USP39: variants seen among roughly 807,000 people sequenced by gnomAD.
USP39 encodes the protein ubiquitin carboxyl-terminal hydrolase 39.
Under a neutral mutation model 66.4 loss-of-function variants are expected in USP39, and 38 were observed. That is an observed-to-expected ratio of 0.57 (90% CI 0.44 to 0.75). The LOEUF is 0.75. USP39 is among the 30% of genes least tolerant of loss of function. USP39 has a pLI of 0.00. For missense variants in USP39, 608 were observed against 714.4 expected, an observed-to-expected ratio of 0.85 and a Z score of 1.70; for synonymous variants, 303 against 274.6, an observed-to-expected ratio of 1.10 and a Z score of -1.02.
chr2:85,639,554 A>G, intron 9 of USP39, 163 bp downstream of exon 9: 1 of 635,198 alleles, frequency 1.6e-6, no homozygotes, highest in Non-Finnish European at 2.5e-6. Flanking sequence ...TCCCAGTTTC[A>G]AGCGATTCTC....
At chr2:85,617,179 C>T (rs763282140) in intron 1 of USP39, among the ~76,000 whole-genome samples, 4 of 148,930 alleles carry the variant, frequency 2.7e-5, no homozygotes, top group Admixed American at 1.3e-4. Context: ...GTCTCGAACT[C>T]CTGGACTCAA....
chr2:85,628,177 G>A (rs2118176), intron 5 of USP39, among the ~76,000 whole-genome samples: 11,909 of 151,728 alleles, frequency 0.078, 964 homozygotes, highest in East Asian at 0.31. Context: ...ATGGAGTCTC[G>A]CTCTGTCACC....
At chr2:85,627,385 A>G (rs1445614848) in intron 5 of USP39, among the ~76,000 whole-genome samples, 1 of 151,788 alleles carries the variant, frequency 6.6e-6, no homozygotes, top group African/African-American at 2.4e-5. Flanking sequence ...GTGAGCCACC[A>G]TGCCCAGCCA....
At chr2:85,603,148 G>A (rs967491871) in intron 1 of USP39, 5 of 152,362 alleles carry the variant, frequency 3.3e-5, no homozygotes, top group Admixed American at 2.0e-4. Flanking sequence ...GCTGCGGTGG[G>A]TCCAGAGAAG....
At chr2:85,622,900 T>C (rs2104255489) in intron 3 of USP39, among the ~76,000 whole-genome samples, 1 of 152,300 alleles carries the variant, frequency 6.6e-6, no homozygotes, top group East Asian at 1.9e-4. Context: ...AAAACTGTAT[T>C]CTTTGCTCTC....
At chr2:85,611,197 T>C, upstream of USP39, 1 of 1,126,056 alleles carries the variant, frequency 8.9e-7, no homozygotes, top group South Asian at 2.0e-5. Context: ...GACAGAGACC[T>C]AGTCTCAAAA....
chr2:85,637,425 C>T lies in USP39; in HGVS notation c.1084C>T (p.His362Tyr). The T allele has an allele frequency of 6.2e-7, 1 of 1,614,172 alleles. No individual in the cohort carries two copies. The highest frequency in any genetic ancestry group is 8.5e-7 in the Non-Finnish European group (1 of 1,180,022). The change falls in exon 8 of 13, where the codon CAT becomes TAT. Residue 362 changes from histidine (H) to tyrosine (Y), a missense_variant. His to Tyr is a moderately conservative substitution (Grantham distance 83). Transcript: ENST00000323701. Reference sequence around the variant, plus strand: ...GAGGATCTTCACTAAAAAGCTTCCCCATCCTGATCTGGTGAGTTAATTGAG... The same window carrying T: ...GAGGATCTTCACTAAAAAGCTTCCCTATCCTGATCTGGTGAGTTAATTGAG... ...SMRIFTKKLP[H>Y]PDLPAEEKEQ...
At chr2:85,610,305 G>A (rs1245771148), upstream of USP39, 5 of 152,202 alleles carry the variant, frequency 3.3e-5, no homozygotes, top group East Asian at 3.9e-4. Flanking sequence ...ATGAATCACC[G>A]CGCCCGGACC....
At chr2:85,609,175 G>C, upstream of USP39, 1 of 1,453,930 alleles carries the variant, frequency 6.9e-7, no homozygotes, top group Non-Finnish European at 9.3e-7. Context: ...AAGGCTTTTT[G>C]CCAGCACCTG....
intron 5 of USP39, among the ~76,000 whole-genome samples, chr2:85,628,271 G>C (rs1675028766): frequency 6.6e-6 from 1 of 151,844 alleles, no homozygotes; most frequent in Admixed American, 6.6e-5. Flanking sequence ...TCAGCCTCCC[G>C]AGTAGCTGGG....
chr2:85,622,057 T>A (rs975295760), intron 3 of USP39, among the ~76,000 whole-genome samples: 6 of 151,978 alleles, frequency 3.9e-5, no homozygotes, highest in Admixed American at 1.3e-4. Flanking sequence ...TGGCCGCAGG[T>A]GATCCACCTG....
At chr2:85,635,965 G>T in intron 6 of USP39, 88 bp from the exon 7 acceptor site, 3 of 1,258,550 alleles carry the variant, frequency 2.4e-6, no homozygotes, top group Admixed American at 1.7e-5. Context: ...GAGGAAGGGG[G>T]AGAACCAGGA....
At chr2:85,633,418 C>G (rs148707923) in intron 6 of USP39, among the ~76,000 whole-genome samples, 2 of 152,252 alleles carry the variant, frequency 1.3e-5, no homozygotes, top group African/African-American at 2.4e-5. Flanking sequence ...CCACCATGCC[C>G]GGCCTCATTG....
chr2:85,619,335 C>G (rs1674273390), intron 2 of USP39, 46 bp downstream of exon 2: 2 of 1,592,288 alleles, frequency 1.3e-6, no homozygotes, highest in African/African-American at 2.7e-5. Context: ...ACAATGGAAT[C>G]TGTGCAGAAA....
At chr2:85,604,177 G>A (rs1171781396) in intron 1 of USP39, among the ~76,000 whole-genome samples, 1 of 152,212 alleles carries the variant, frequency 6.6e-6, no homozygotes, top group Admixed American at 6.5e-5. Flanking sequence ...CTTGGACCCA[G>A]TGGAAAGCAG....
intron 11 of USP39, among the ~76,000 whole-genome samples, chr2:85,647,513 T>C (rs1676733284): frequency 6.6e-6 from 1 of 151,452 alleles, no homozygotes; most frequent in Non-Finnish European, 1.5e-5. Context: ...AAAAAAAAAT[T>C]AGCCAGTTTT....
intron 10 of USP39, 38 bp downstream of exon 10, chr2:85,641,156 G>A (rs1213735390): frequency 6.2e-7 from 1 of 1,605,854 alleles, no homozygotes; most frequent in Admixed American, 1.7e-5. Context: ...CACGGGGAGT[G>A]AACCTGGATT....
intron 12 of USP39, 73 bp from the exon 13 acceptor site, chr2:85,648,688 A>G: frequency 1.3e-6 from 2 of 1,550,386 alleles, no homozygotes. Context: ...GGCCTGGCAC[A>G]GAATAGGTAT....
upstream of USP39, chr2:85,609,156 A>G: frequency 1.3e-6 from 2 of 1,533,540 alleles, no homozygotes; most frequent in South Asian, 1.2e-5. Context: ...ACAGAACTCC[A>G]TTTAGCTCAA....
Sources: allele counts gnomAD v4.1 joint callset (sites outside exome capture counted in the v4.1 genomes callset), GRCh38; gene constraint gnomAD v4.1.1; transcripts MANE v1.5; gene names NCBI Gene and HGNC (gene_info 2026-07-23, HGNC 2026-07-21).